The following SUN1 variants were observed in gnomAD, a reference collection of about 807,000 sequenced individuals.
The protein encoded by SUN1 is SUN domain-containing protein 1.
In SUN1, 61 loss-of-function variants were observed where a neutral mutation model predicts 103.2. The ratio of observed to expected loss-of-function variants is 0.59; its 90% confidence interval spans 0.48 to 0.73. The LOEUF (loss-of-function observed/expected upper bound fraction) is 0.73. Ranked by LOEUF, SUN1 falls within the 30% of genes least tolerant of loss-of-function variation. The pLI is 0.00. For missense variants in SUN1, 1,052 were observed against 1,034.6 expected (o/e 1.02, Z -0.23); for synonymous variants, 490 against 425.7 (o/e 1.15, Z -1.86).
chr7:831,732 T>C (rs4719499), upstream of SUN1, among the ~76,000 whole-genome samples: 93,839 of 152,118 alleles, frequency 0.62, 28,945 homozygotes, highest in East Asian at 0.65. Flanking sequence ...AGCTCAGTTA[T>C]TTGTACAAAA....
intron 12 of SUN1, among the ~76,000 whole-genome samples, chr7:856,937 C>T (rs1409625868): frequency 1.3e-5 from 2 of 152,204 alleles, no homozygotes; most frequent in Non-Finnish European, 2.9e-5. Context: ...GGCTGTCGGC[C>T]CTGCCGCCCT....
upstream of SUN1, among the ~76,000 whole-genome samples, chr7:828,060 C>T (rs1375662557): frequency 1.3e-5 from 2 of 151,834 alleles, no homozygotes; most frequent in East Asian, 3.9e-4. Context: ...CGCACCACCA[C>T]ACCCGGCTGA....
intron 16 of SUN1, chr7:869,060 A>G (rs971094569): frequency 4.9e-6 from 2 of 404,084 alleles, no homozygotes; most frequent in Non-Finnish European, 9.2e-6. Context: ...TGCCACGACC[A>G]AGGACCATTG....
chr7:835,244 C>T (rs1801919885), intron 1 of SUN1, among the ~76,000 whole-genome samples: 1 of 151,146 alleles, frequency 6.6e-6, no homozygotes, highest in African/African-American at 2.5e-5. Context: ...CTTCAGTTCA[C>T]GGGTTCCCCA....
intron 5 of SUN1, 80 bp downstream of exon 5, chr7:843,600 G>C: frequency 1.9e-6 from 3 of 1,611,892 alleles, no homozygotes; most frequent in Non-Finnish European, 2.5e-6. Context: ...CTCAGTGTCT[G>C]CACTATTTGT....
chr7:836,220 G>A (rs543480349), intron 1 of SUN1, among the ~76,000 whole-genome samples: 57 of 152,324 alleles, frequency 3.7e-4, no homozygotes, highest in Non-Finnish European at 6.8e-4. Flanking sequence ...GTAGGAGAAC[G>A]AGGAAGGGCC....
intron 17 of SUN1, among the ~76,000 whole-genome samples, chr7:872,052 G>A (rs539118996): frequency 6.6e-6 from 1 of 152,264 alleles, no homozygotes; most frequent in East Asian, 1.9e-4. Flanking sequence ...TCTTCCCAAA[G>A]TCGGTCTTCT....
chr7:824,070 A>T (rs1789007564), intron 1 of SUN1, among the ~76,000 whole-genome samples: 2 of 152,142 alleles, frequency 1.3e-5, no homozygotes, highest in Non-Finnish European at 1.5e-5. Context: ...AGGGAAGGGA[A>T]AGACCAGACA....
upstream of SUN1, among the ~76,000 whole-genome samples, chr7:831,457 A>T (rs1172526474): frequency 2.0e-5 from 3 of 151,978 alleles, no homozygotes; most frequent in African/African-American, 7.3e-5. Context: ...TTTTTAGTAG[A>T]GACGGGGTTT....
At chr7:830,885 T>C (rs1391565369), upstream of SUN1, 2 of 913,832 alleles carry the variant, frequency 2.2e-6, no homozygotes, top group Non-Finnish European at 2.6e-6. Flanking sequence ...GCAGAGCCCA[T>C]TGTTGCATTG....
intron 1 of SUN1, among the ~76,000 whole-genome samples, chr7:834,775 A>T (rs1367895109): frequency 4.0e-5 from 6 of 151,858 alleles, no homozygotes; most frequent in East Asian, 3.9e-4. Context: ...CTTTAATTAA[A>T]TTTTTTTTCT....
At chr7:836,078 G>A (rs536026928) in intron 1 of SUN1, among the ~76,000 whole-genome samples, 17 of 152,374 alleles carry the variant, frequency 1.1e-4, no homozygotes, top group Admixed American at 8.5e-4. Context: ...GAAACTAGCC[G>A]GCGCTGCAAC....
intron 2 of SUN1, 121 bp from the exon 3 acceptor site, chr7:841,825 G>A: frequency 9.4e-7 from 1 of 1,062,004 alleles, no homozygotes; most frequent in Admixed American, 2.4e-5. Flanking sequence ...AAAAGGCATA[G>A]GAAAATGGTT....
intron 1 of SUN1, chr7:817,549 G>C: frequency 6.5e-7 from 1 of 1,531,254 alleles, no homozygotes; most frequent in Non-Finnish European, 8.7e-7. Context: ...GCTTGTGGTT[G>C]CTGCGTCTGG....
upstream of SUN1, among the ~76,000 whole-genome samples, chr7:830,028 G>A (rs906647503): frequency 4.6e-5 from 7 of 152,110 alleles, no homozygotes; most frequent in African/African-American, 7.2e-5. Context: ...ATTTGATTTC[G>A]TAAAGGACTA....
rs1259936780 is a variant in SUN1 at position 857,905 on chromosome 7, G to A, written c.1472G>A (p.Ser491Asn). 6.2e-7 allele frequency: 1 copy of A among 1,603,434 alleles called. No individual in the cohort carries two copies. The highest frequency in any genetic ancestry group is 8.5e-7 in the Non-Finnish European group (1 of 1,171,396). Residue 491 changes from serine to asparagine, a missense_variant, in exon 13 of 19, where the codon AGC becomes AAC. By Grantham distance (46) the Ser-to-Asn change is conservative. Transcript: ENST00000401592. ...GATCAGCTAAAGTCAGAGCTGTCCA[G>A]CTGGCGACACGTGAAGACCGGCTGT... Reference protein sequence around the residue: ...ELDQLKSELSSWRHVKTGCET... With the variant: ...ELDQLKSELSNWRHVKTGCET...
At chr7:836,518 C>A (rs1384370623) in intron 1 of SUN1, among the ~76,000 whole-genome samples, 2 of 152,106 alleles carry the variant, frequency 1.3e-5, no homozygotes, top group African/African-American at 4.8e-5. Flanking sequence ...CGGTATAGTT[C>A]CAGTTTGAAG....
chr7:844,864 C>A (rs1813761483), intron 5 of SUN1, among the ~76,000 whole-genome samples: 2 of 152,150 alleles, frequency 1.3e-5, no homozygotes, highest in Non-Finnish European at 2.9e-5. Context: ...GACCCAGGTG[C>A]TCCCCCTTAG....
At chr7:849,254 C>T (rs897042094) in intron 5 of SUN1, among the ~76,000 whole-genome samples, 1 of 152,232 alleles carries the variant, frequency 6.6e-6, no homozygotes, top group African/African-American at 2.4e-5. Context: ...GCGCCCAACC[C>T]AGAACTATTT....
Sources: allele counts gnomAD v4.1 joint callset (sites outside exome capture counted in the v4.1 genomes callset), GRCh38; gene constraint gnomAD v4.1.1; transcripts MANE v1.5; gene names NCBI Gene and HGNC (gene_info 2026-07-23, HGNC 2026-07-21).